Variants in CREB5 observed in about 807,000 individuals in gnomAD.
The protein encoded by CREB5 is cAMP responsive element binding protein 5, also known as cyclic AMP-responsive element-binding protein 5.
Under a neutral mutation model 57.1 loss-of-function variants are expected in CREB5, and 19 were observed. That is an observed-to-expected ratio of 0.33 (90% CI 0.23 to 0.49). The LOEUF (loss-of-function observed/expected upper bound fraction) is 0.49, where lower values mean the gene tolerates loss of function less well. Ranked by LOEUF, CREB5 falls within the 20% of genes least tolerant of loss-of-function variation. The pLI, the probability that CREB5 is intolerant of heterozygous loss-of-function variation, is 0.99. For missense variants in CREB5, 579 were observed against 671.6 expected, an observed-to-expected ratio of 0.86 and a Z score of 1.52; for synonymous variants, 238 against 238.3, an observed-to-expected ratio of 1.00 and a Z score of 0.01.
chr7:28,463,259 T>A (rs1043584350), intron 1 of CREB5, among the ~76,000 whole-genome samples: 4 of 152,202 alleles, frequency 2.6e-5, no homozygotes, highest in Non-Finnish European at 5.9e-5. Flanking sequence ...GGGTTACTTA[T>A]GGACTCTCAG....
At chr7:28,342,052 A>G (rs957007083) in intron 1 of CREB5, among the ~76,000 whole-genome samples, 1 of 152,212 alleles carries the variant, frequency 6.6e-6, no homozygotes, top group South Asian at 2.1e-4. Flanking sequence ...GAATCATTTT[A>G]TATTAGTAAA....
chr7:28,333,083 C>T (rs942382441), intron 1 of CREB5, among the ~76,000 whole-genome samples: 1 of 152,134 alleles, frequency 6.6e-6, no homozygotes, highest in Admixed American at 6.5e-5. Flanking sequence ...AACTAAAACC[C>T]CTACATCTTT....
At chr7:28,685,312 C>A (rs1462961587) in intron 5 of CREB5, among the ~76,000 whole-genome samples, 1 of 152,118 alleles carries the variant, frequency 6.6e-6, no homozygotes, top group Non-Finnish European at 1.5e-5. Context: ...GACAGGGTGA[C>A]CCATAGGGGC....
At chr7:28,525,309 T>C (rs889031861) in intron 4 of CREB5, among the ~76,000 whole-genome samples, 4 of 152,224 alleles carry the variant, frequency 2.6e-5, no homozygotes, top group African/African-American at 9.6e-5. Context: ...ATCCCTTTGA[T>C]AAACTAGTTT....
intron 5 of CREB5, among the ~76,000 whole-genome samples, chr7:28,645,428 G>A (rs938429172): frequency 1.6e-4 from 24 of 152,188 alleles, no homozygotes; most frequent in African/African-American, 5.8e-4. Context: ...AGAGCTGGTT[G>A]TTAGCATCAT....
At chr7:28,388,463 G>A (rs1384290465) in intron 1 of CREB5, among the ~76,000 whole-genome samples, 1 of 152,112 alleles carries the variant, frequency 6.6e-6, no homozygotes, top group Non-Finnish European at 1.5e-5. Flanking sequence ...TGCCTACAGG[G>A]CAGCCATAGA....
chr7:28,372,688 T>C (rs1786731846), intron 1 of CREB5, among the ~76,000 whole-genome samples: 1 of 152,210 alleles, frequency 6.6e-6, no homozygotes, highest in Non-Finnish European at 1.5e-5. Context: ...CCTAGTAATA[T>C]GAGTGTTCAT....
chr7:28,527,381 C>A (rs1268278084), intron 4 of CREB5, among the ~76,000 whole-genome samples: 1 of 152,166 alleles, frequency 6.6e-6, no homozygotes, highest in Non-Finnish European at 1.5e-5. Context: ...TTGGAATTAC[C>A]AATGTGACCT....
chr7:28,547,234 C>T (rs932179645), intron 4 of CREB5, among the ~76,000 whole-genome samples: 1 of 152,154 alleles, frequency 6.6e-6, no homozygotes, highest in African/African-American at 2.4e-5. Context: ...GGTCAATTTC[C>T]AGAATGACCA....
intron 5 of CREB5, among the ~76,000 whole-genome samples, chr7:28,713,115 A>G (rs55814249): frequency 0.11 from 16,073 of 152,130 alleles, 1,214 homozygotes; most frequent in Non-Finnish European, 0.16. Context: ...TGCAGTGGCA[A>G]GATCTCAGCT....
intron 4 of CREB5, among the ~76,000 whole-genome samples, 199 bp from the exon 5 acceptor site, chr7:28,570,166 A>G (rs1179770715): frequency 6.6e-6 from 1 of 152,112 alleles, no homozygotes; most frequent in Non-Finnish European, 1.5e-5. Context: ...CACATGCTTT[A>G]CTCTAAGGGT....
chr7:28,395,958 T>C (rs962151959), intron 1 of CREB5, among the ~76,000 whole-genome samples: 2 of 152,152 alleles, frequency 1.3e-5, no homozygotes, highest in Non-Finnish European at 2.9e-5. Flanking sequence ...GAAAGAAAGA[T>C]CTAAGTCAGA....
chr7:28,700,241 C>T (rs1253110340), intron 5 of CREB5, among the ~76,000 whole-genome samples: 2 of 152,190 alleles, frequency 1.3e-5, no homozygotes, highest in African/African-American at 2.4e-5. Flanking sequence ...CAAGCACACA[C>T]ACACATGCAT....
intron 5 of CREB5, among the ~76,000 whole-genome samples, chr7:28,599,557 A>G (rs1055663740): frequency 2.6e-5 from 4 of 152,156 alleles, no homozygotes; most frequent in Non-Finnish European, 5.9e-5. Flanking sequence ...CATCTGGGCA[A>G]GACAGATGCC....
chr7:28,705,055 G>A (rs1216395052), intron 5 of CREB5, among the ~76,000 whole-genome samples: 1 of 152,202 alleles, frequency 6.6e-6, no homozygotes, highest in East Asian at 1.9e-4. Context: ...GTTCTGGTCA[G>A]GAATCTGAAG....
At chr7:28,585,929 T>C (rs1796289917) in intron 5 of CREB5, among the ~76,000 whole-genome samples, 1 of 152,206 alleles carries the variant, frequency 6.6e-6, no homozygotes, top group Non-Finnish European at 1.5e-5. Flanking sequence ...TGTATTTACC[T>C]TTGAGCATAA....
chr7:28,791,356 T>A lies in CREB5; in HGVS notation c.703-12843T>A, dbSNP rs138261075. Among the ~76,000 whole-genome samples, 154 of 152,340 alleles carry A rather than the reference T, an allele frequency of 1.0e-3. 1 individual carries two copies. Among genetic ancestry groups the A allele is most frequent in the African/African-American group, 3.5e-3 (146 of 41,568 alleles). On this transcript the variant is annotated intron_variant, in intron 7 of 10. Coordinates refer to ENST00000357727, the MANE Select transcript of CREB5 (RefSeq NM_182898.4). ...TACTCTCGCGCATCTTCCTTCTTTC[T>A]CTCTGTCCTTGTTTCTCACCTTCCT...
At chr7:28,757,226 A>G (rs1448947779) in intron 7 of CREB5, among the ~76,000 whole-genome samples, 1 of 152,232 alleles carries the variant, frequency 6.6e-6, no homozygotes, top group Non-Finnish European at 1.5e-5. Context: ...AAACTGAAGC[A>G]CAGAAAGAGT....
chr7:28,628,351 G>A (rs1012912792), intron 5 of CREB5, among the ~76,000 whole-genome samples: 2 of 152,060 alleles, frequency 1.3e-5, no homozygotes, highest in Non-Finnish European at 1.5e-5. Flanking sequence ...AACTGACCAC[G>A]CCTGCTTATT....
Sources: allele counts gnomAD v4.1 joint callset (sites outside exome capture counted in the v4.1 genomes callset), GRCh38; gene constraint gnomAD v4.1.1; transcripts MANE v1.5; gene names NCBI Gene and HGNC (gene_info 2026-07-23, HGNC 2026-07-21).